The following GAS2 variants were observed in gnomAD, a reference collection of about 807,000 sequenced individuals.
The protein encoded by GAS2 is growth arrest-specific protein 2.
GAS2 carries 20 observed loss-of-function variants against 37.5 expected under a neutral mutation model. The observed-to-expected ratio is 0.53, with a 90% CI of 0.37 to 0.77. GAS2 has a LOEUF of 0.77. GAS2 is among the 30% of genes least tolerant of loss of function. GAS2 has a pLI of 0.00. For synonymous variants in GAS2, 144 were observed against 132.2 expected (o/e 1.09, Z -0.61); for missense variants, 336 against 373.4 (o/e 0.90, Z 0.82).
chr11:22,658,826 A>T (rs560071537), intron 1 of GAS2, among the ~76,000 whole-genome samples: 1 of 152,206 alleles, frequency 6.6e-6, no homozygotes, highest in South Asian at 2.1e-4. Context: ...TGATTCTGCC[A>T]TAGGAGTTTG....
At chr11:22,713,049 A>G (rs2134091733) in intron 3 of GAS2, among the ~76,000 whole-genome samples, 1 of 144,116 alleles carries the variant, frequency 6.9e-6, no homozygotes, top group Non-Finnish European at 1.5e-5. Flanking sequence ...CCTGATCAGC[A>G]GGGTGAGACT....
At chr11:22,671,562 C>T (rs1414589072) in intron 1 of GAS2, among the ~76,000 whole-genome samples, 1 of 152,076 alleles carries the variant, frequency 6.6e-6, no homozygotes, top group Non-Finnish European at 1.5e-5. Flanking sequence ...TCATCAGTCA[C>T]TTTATTTCCC....
At chr11:22,643,930 T>C (rs1351669016) in intron 1 of GAS2, among the ~76,000 whole-genome samples, 2 of 152,148 alleles carry the variant, frequency 1.3e-5, no homozygotes. Context: ...GTGAATTCTT[T>C]TAGCATATTT....
At chr11:22,652,706 T>G (rs1403774646) in intron 1 of GAS2, among the ~76,000 whole-genome samples, 1 of 152,150 alleles carries the variant, frequency 6.6e-6, no homozygotes, top group Non-Finnish European at 1.5e-5. Context: ...TGTCACCCCT[T>G]TCTTTGACTA....
intron 1 of GAS2, among the ~76,000 whole-genome samples, chr11:22,642,703 G>A (rs1268924104): frequency 2.6e-5 from 4 of 151,986 alleles, no homozygotes; most frequent in South Asian, 2.1e-4. Context: ...TAAAAATGAC[G>A]TATCTGAGAA....
chr11:22,656,826 A>G (rs1002804621), intron 1 of GAS2, among the ~76,000 whole-genome samples: 1 of 152,112 alleles, frequency 6.6e-6, no homozygotes, highest in Non-Finnish European at 1.5e-5. Flanking sequence ...TACTTATAGC[A>G]CTTACATGCT....
intron 7 of GAS2, among the ~76,000 whole-genome samples, chr11:22,772,189 C>A (rs1375332876): frequency 6.6e-6 from 1 of 152,064 alleles, no homozygotes; most frequent in Admixed American, 6.6e-5. Context: ...GAACATGAAA[C>A]CTAAGTCTGT....
intron 3 of GAS2, among the ~76,000 whole-genome samples, chr11:22,701,978 T>C (rs996186415): frequency 1.3e-5 from 2 of 152,182 alleles, no homozygotes; most frequent in Non-Finnish European, 2.9e-5. Flanking sequence ...TTTTCACACT[T>C]TTAAGATTAT....
chr11:22,796,758 C>T (rs1856447125), intron 7 of GAS2, among the ~76,000 whole-genome samples: 1 of 151,962 alleles, frequency 6.6e-6, no homozygotes, highest in African/African-American at 2.4e-5. Context: ...CTTTGGCTCT[C>T]CCAGTGCTTA....
intron 1 of GAS2, among the ~76,000 whole-genome samples, chr11:22,650,217 G>T (rs1848756889): frequency 1.3e-5 from 2 of 150,484 alleles, no homozygotes; most frequent in African/African-American, 4.9e-5. Context: ...TTTCCATGTA[G>T]TTGAGCGGTT....
intron 7 of GAS2, among the ~76,000 whole-genome samples, chr11:22,784,454 C>T (rs1468081846): frequency 6.6e-6 from 1 of 152,122 alleles, no homozygotes; most frequent in African/African-American, 2.4e-5. Context: ...GTCTGCTACA[C>T]ATAGTATTGG....
intron 6 of GAS2, 97 bp from the exon 7 acceptor site, chr11:22,755,749 A>C: frequency 1.4e-6 from 1 of 726,892 alleles, no homozygotes; most frequent in Non-Finnish European, 2.3e-6. Context: ...ACAAGTTTAA[A>C]GTCATTAAGG....
intron 1 of GAS2, among the ~76,000 whole-genome samples, chr11:22,656,914 AC>A (rs1055211017): frequency 1.3e-5 from 2 of 152,144 alleles, no homozygotes; most frequent in African/African-American, 4.8e-5. Context: ...TTTAGCTTTA[AC>A]TTTTATGATG....
chr11:22,637,402 AG>A, intron 1 of GAS2, among the ~76,000 whole-genome samples: 2 of 81,312 alleles, frequency 2.5e-5, no homozygotes, highest in African/African-American at 7.0e-5. Flanking sequence ...TTATATTAAT[AG>A]TATACTTAAT....
chr11:22,685,803 ATGC>A lies in GAS2; in HGVS notation c.267+15_267+17del, dbSNP rs1590631626. ...AAGCCCACAAAGGTAAAAGATCCCAATGCAAAAATCACTCTTAGGTGGTAGATT... is the reference window on the plus strand; with the variant it reads ...AAGCCCACAAAGGTAAAAGATCCCAAAAAAATCACTCTTAGGTGGTAGATT... On this transcript the variant is annotated intron_variant, in intron 3 of 7. Coordinates refer to ENST00000454584, the MANE Select transcript of GAS2 (RefSeq NM_001143830.3). 1.2e-6 allele frequency: 2 copies of A among 1,607,928 alleles called. No homozygotes were observed. The highest frequency in any genetic ancestry group is 1.3e-5 in the African/African-American group (1 of 74,804).
chr11:22,699,468 GAC>G (rs1287816707), intron 3 of GAS2, among the ~76,000 whole-genome samples: 2 of 152,242 alleles, frequency 1.3e-5, no homozygotes, highest in Non-Finnish European at 2.9e-5. Flanking sequence ...AGAGAAAAAA[GAC>G]ATGTGAAGGA....
At chr11:22,755,105 A>G (rs1220088433) in intron 6 of GAS2, among the ~76,000 whole-genome samples, 1 of 152,154 alleles carries the variant, frequency 6.6e-6, no homozygotes. Context: ...AGTAATCACA[A>G]CTATTCATAA....
chr11:22,779,694 C>T (rs902424061), intron 7 of GAS2, among the ~76,000 whole-genome samples: 2 of 132,822 alleles, frequency 1.5e-5, no homozygotes, highest in African/African-American at 5.5e-5. Context: ...AGTGAAACTC[C>T]GTGTCAAAAA....
intron 1 of GAS2, among the ~76,000 whole-genome samples, chr11:22,670,712 A>G (rs774342699): frequency 6.6e-6 from 1 of 152,134 alleles, no homozygotes; most frequent in Non-Finnish European, 1.5e-5. Context: ...TCCGTTGTAT[A>G]TAGTAGAAAA....
Sources: allele counts gnomAD v4.1 joint callset (sites outside exome capture counted in the v4.1 genomes callset), GRCh38; gene constraint gnomAD v4.1.1; transcripts MANE v1.5; gene names NCBI Gene and HGNC (gene_info 2026-07-23, HGNC 2026-07-21).